The following GCNT4 variants were observed in gnomAD, a reference collection of about 807,000 sequenced individuals.
The protein encoded by GCNT4 is glucosaminyl (N-acetyl) transferase 4.
GCNT4 carries 17 observed loss-of-function variants against 31.3 expected under a neutral mutation model. That is an observed-to-expected ratio of 0.54 (90% CI 0.37 to 0.81). GCNT4 has a LOEUF of 0.81. GCNT4 is among the 40% of genes least tolerant of loss of function. GCNT4 has a pLI of 0.00. For synonymous variants in GCNT4, 158 were observed against 190.6 expected (o/e 0.83, Z 1.41); for missense variants, 503 against 525.5 (o/e 0.96, Z 0.42).
At chr5:75,046,638 T>A (rs1019162231) in intron 3 of GCNT4, among the ~76,000 whole-genome samples, 32 of 151,966 alleles carry the variant, frequency 2.1e-4, no homozygotes, top group African/African-American at 7.5e-4. Context: ...CTCCAAAGGG[T>A]CATCCTTGCC....
At chr5:75,040,442 G>C (rs952946390) in intron 3 of GCNT4, among the ~76,000 whole-genome samples, 1 of 152,162 alleles carries the variant, frequency 6.6e-6, no homozygotes, top group Non-Finnish European at 1.5e-5. Context: ...ATCCATACCT[G>C]GTACGGGGTA....
chr5:75,028,982 A>C lies in GCNT4; in HGVS notation c.1056T>G (p.Ile352Met), dbSNP rs1280808943. 5 of 1,614,054 alleles carry C rather than the reference A, an allele frequency of 3.1e-6. No homozygotes were observed. The highest frequency in any genetic ancestry group is 4.2e-6 in the Non-Finnish European group (5 of 1,179,998). ...CAGACACATCCTGGGCTGATCTGGA[A>C]ATCTCCCCAGGTATTCCTGGAACCC... is the stretch of plus-strand genomic sequence containing the variant. Reference protein sequence around the residue: ...LIRVPGIPGEISRSAQDVSDL... With the variant: ...LIRVPGIPGEMSRSAQDVSDL... Residue 352 changes from isoleucine (I) to methionine (M), a missense_variant, in exon 4 of 4, where the codon ATT (isoleucine) becomes ATG (methionine). By Grantham distance (10) the Ile-to-Met change is conservative. Coordinates refer to ENST00000652361, the MANE Select transcript of GCNT4 (RefSeq NM_001366737.1).
intron 3 of GCNT4, among the ~76,000 whole-genome samples, chr5:75,036,511 T>A (rs1323729911): frequency 6.6e-6 from 1 of 152,180 alleles, no homozygotes; most frequent in Non-Finnish European, 1.5e-5. Context: ...AAAGAAAAAA[T>A]TCTCCATATT....
intron 3 of GCNT4, among the ~76,000 whole-genome samples, chr5:75,040,554 C>T (rs1352136539): frequency 1.3e-5 from 2 of 152,156 alleles, no homozygotes; most frequent in African/African-American, 4.8e-5. Context: ...CTTGGCAAAT[C>T]TTTCTTTCCC....
chr5:75,027,292 T>C lies in GCNT4; in HGVS notation c.*1384A>G, dbSNP rs1350387938. 8.7e-6 allele frequency: 1 copy of C among 115,298 alleles called. No individual in the cohort carries two copies. Among genetic ancestry groups the C allele is most frequent in the African/African-American group, 4.4e-5 (1 of 22,746 alleles). 7.1% of individuals were successfully genotyped at this position (115,298 alleles called of 1,614,324 possible). A position where few individuals can be genotyped will look rare whatever the true frequency, so the allele number is the denominator to read the frequency against. ...TCATTATATGTTATATAATATATAT[T>C]TATATATATATAATTATATGTATAT... is the stretch of plus-strand genomic sequence containing the variant. On this transcript the variant is annotated 3_prime_UTR_variant, in exon 4 of 4. Coordinates refer to ENST00000652361, the MANE Select transcript of GCNT4 (RefSeq NM_001366737.1).
At position 75,028,699 on chromosome 5, in the gene GCNT4, T is replaced by C. The variant is rs771557908; in HGVS notation, c.1339A>G (p.Arg447Gly). The C allele has an allele frequency of 6.2e-6, 10 of 1,612,280 alleles. No individual in the cohort carries two copies. The highest frequency in any genetic ancestry group is 8.5e-6 in the Non-Finnish European group (10 of 1,179,432). The change falls in exon 4 of 4, where the codon AGA becomes GGA. Residue 447 changes from arginine (R) to glycine (G), a missense_variant. Coordinates refer to ENST00000652361, the MANE Select transcript of GCNT4 (RefSeq NM_001366737.1). ...TLPSEKLFMDRNLTTTS is the reference protein window; with the variant it reads ...TLPSEKLFMDGNLTTTS The stretch of plus-strand genomic sequence containing the variant: ...TATCATGATGTGGTAGTGAGATTTC[T>C]ATCCATAAATAACTTTTCTGAGGGC...
the GCNT4 span, among the ~76,000 whole-genome samples, chr5:75,018,200 A>G: frequency 6.6e-6 from 1 of 152,216 alleles, no homozygotes; most frequent in Non-Finnish European, 1.5e-5. Context: ...TGACCACATG[A>G]TAAAAGCAGA....
chr5:75,045,703 C>T (rs949619900), intron 3 of GCNT4, among the ~76,000 whole-genome samples: 5 of 152,178 alleles, frequency 3.3e-5, no homozygotes, highest in African/African-American at 9.7e-5. Context: ...CCATCCATCC[C>T]ACAAACATTT....
intron 3 of GCNT4, among the ~76,000 whole-genome samples, chr5:75,040,835 T>C (rs184840536): frequency 2.1e-4 from 32 of 152,378 alleles, no homozygotes; most frequent in African/African-American, 7.5e-4. Flanking sequence ...GACAGCATTC[T>C]TTTTTGTTAA....
At chr5:75,053,501 C>T (rs1002825352), upstream of GCNT4, among the ~76,000 whole-genome samples, 1 of 152,122 alleles carries the variant, frequency 6.6e-6, no homozygotes, top group Non-Finnish European at 1.5e-5. Context: ...CCCCGCGTGG[C>T]CAAGTCGACT....
chr5:75,032,277 T>G (rs1743080511), intron 3 of GCNT4, among the ~76,000 whole-genome samples: 1 of 152,170 alleles, frequency 6.6e-6, no homozygotes, highest in Non-Finnish European at 1.5e-5. Context: ...CCTTTCCATA[T>G]TCCAACACCT....
In GCNT4 at chr5:75,025,939, A is replaced by G. The variant is rs974280132; in HGVS notation, c.*2737T>C. 4 of 152,206 alleles carry G rather than the reference A, an allele frequency of 2.6e-5. No homozygotes were observed. Among genetic ancestry groups the G allele is most frequent in the East Asian group, 1.9e-4 (1 of 5,198 alleles). 9.4% of individuals were successfully genotyped at this position (152,206 alleles called of 1,614,324 possible). A position where few individuals can be genotyped will look rare whatever the true frequency, so the allele number is the denominator to read the frequency against. On this transcript the variant is annotated 3_prime_UTR_variant, in exon 4 of 4. Coordinates refer to ENST00000652361, the MANE Select transcript of GCNT4 (RefSeq NM_001366737.1). ...TACAAAGAATAATTATAAAACACAGACTGCAGGACATTATCAAGACCAGGG... is the reference window on the plus strand; with the variant it reads ...TACAAAGAATAATTATAAAACACAGGCTGCAGGACATTATCAAGACCAGGG...
At chr5:75,032,125 CCAT>C (rs939782133) in intron 3 of GCNT4, among the ~76,000 whole-genome samples, 24 of 152,142 alleles carry the variant, frequency 1.6e-4, no homozygotes, top group African/African-American at 5.6e-4. Flanking sequence ...ACCTTCACCA[CCAT>C]CAACTGTACT....
At chr5:75,039,806 T>C (rs1234871553) in intron 3 of GCNT4, among the ~76,000 whole-genome samples, 1 of 152,216 alleles carries the variant, frequency 6.6e-6, no homozygotes. Context: ...ATCCATTCTC[T>C]GTACTGTAGC....
chr5:75,030,065 G>A, intron 3 of GCNT4, 27 bp from the exon 4 acceptor site: 1 of 1,551,256 alleles, frequency 6.4e-7, no homozygotes, highest in African/African-American at 1.4e-5. Context: ...AAATAATCCA[G>A]TTGGAATATT....
chr5:75,022,705 G>C (rs1326931921), downstream of GCNT4, among the ~76,000 whole-genome samples: 2 of 152,182 alleles, frequency 1.3e-5, no homozygotes, highest in East Asian at 3.8e-4. Flanking sequence ...CCAGCTGTTA[G>C]TAATAGAGAC....
At chr5:75,048,976 G>A (rs895168980) in intron 2 of GCNT4, among the ~76,000 whole-genome samples, 10 of 152,194 alleles carry the variant, frequency 6.6e-5, no homozygotes, top group African/African-American at 2.2e-4. Context: ...AACTGGTCCT[G>A]AGGCCACACT....
intron 2 of GCNT4, among the ~76,000 whole-genome samples, chr5:75,050,459 A>G (rs1036801131): frequency 3.3e-5 from 5 of 152,022 alleles, no homozygotes; most frequent in Non-Finnish European, 5.9e-5. Flanking sequence ...CTCTGGGAGC[A>G]GCTTCCAGTC....
chr5:75,028,124 T>C lies in GCNT4; in HGVS notation c.*552A>G, dbSNP rs764322800. On this transcript the variant is annotated 3_prime_UTR_variant, in exon 4 of 4. Coordinates refer to ENST00000652361, the MANE Select transcript of GCNT4 (RefSeq NM_001366737.1). ...AGATTATGCTTTGGCAAGCAGGAAA[T>C]TGGACTATTCTTTGAGATTTTTCTG... 1 of 152,798 alleles carries C rather than the reference T, an allele frequency of 6.5e-6. No individual in the cohort carries two copies. The highest frequency in any genetic ancestry group is 6.5e-5 in the Admixed American group (1 of 15,280). 9.5% of individuals were successfully genotyped at this position (152,798 alleles called of 1,614,324 possible).
Sources: gnomAD v4.1 joint callset for allele counts (sites outside exome capture counted in the v4.1 genomes callset) on GRCh38, gnomAD v4.1.1 for gene constraint, MANE v1.5 for transcripts, NCBI Gene and HGNC (gene_info 2026-07-23, HGNC 2026-07-21) for gene names.